C10orf90: variants seen among roughly 807,000 people sequenced by gnomAD.
C10orf90 encodes the protein (E2-independent) E3 ubiquitin-conjugating enzyme FATS.
In C10orf90, 56 loss-of-function variants were observed where a neutral mutation model predicts 62.5. The ratio of observed to expected loss-of-function variants is 0.90; its 90% CI spans 0.72 to 1.12. The LOEUF (loss-of-function observed/expected upper bound fraction) is 1.12, where lower values mean the gene tolerates loss of function less well. Ranked by LOEUF, C10orf90 falls within the 50% of genes most tolerant of loss-of-function variation. C10orf90 has a pLI of 0.00. For missense variants in C10orf90, 970 were observed against 880.4 expected (o/e 1.10, Z -1.29); for synonymous variants, 386 against 340.4 (o/e 1.13, Z -1.47).
At chr10:126,534,541 G>A (rs1039152367) in intron 2 of C10orf90, among the ~76,000 whole-genome samples, 1 of 152,120 alleles carries the variant, frequency 6.6e-6, no homozygotes, top group African/African-American at 2.4e-5. Flanking sequence ...TTTTATGGGA[G>A]TATCATTGTT....
intron 2 of C10orf90, among the ~76,000 whole-genome samples, chr10:126,557,868 G>A (rs1331774061): frequency 4.0e-5 from 6 of 151,770 alleles, no homozygotes; most frequent in African/African-American, 1.5e-4. Flanking sequence ...GATGAGTTGG[G>A]CAAGGGAGAA....
chr10:126,626,933 G>A (rs2842153), intron 2 of C10orf90, among the ~76,000 whole-genome samples: 89,191 of 151,656 alleles, frequency 0.59, 26,785 homozygotes, highest in African/African-American at 0.71. Context: ...AATTCAAAGA[G>A]GGCTCAGTGA....
chr10:126,444,909 A>G (rs1294461282), intron 7 of C10orf90, among the ~76,000 whole-genome samples: 1 of 152,170 alleles, frequency 6.6e-6, no homozygotes, highest in Non-Finnish European at 1.5e-5. Flanking sequence ...AAACAAAAAC[A>G]TAAAGTGGGG....
intron 3 of C10orf90, 21 bp from the exon 4 acceptor site, chr10:126,505,106 C>T (rs1434550316): frequency 2.5e-6 from 4 of 1,585,500 alleles, no homozygotes; most frequent in Admixed American, 3.6e-5. Context: ...AAAAAGATCC[C>T]GATTATTCAA....
At chr10:126,602,347 C>G (rs755251379) in intron 2 of C10orf90, among the ~76,000 whole-genome samples, 2 of 152,164 alleles carry the variant, frequency 1.3e-5, no homozygotes, top group Non-Finnish European at 2.9e-5. Flanking sequence ...TTTCTCTGAC[C>G]TGGGCCTCTA....
intron 2 of C10orf90, among the ~76,000 whole-genome samples, chr10:126,629,808 C>T (rs541472611): frequency 7.1e-4 from 106 of 150,130 alleles, no homozygotes; most frequent in Middle Eastern, 3.4e-3. Context: ...GCCATGAGCC[C>T]GGCAAAGCAC....
chr10:126,663,675 A>G (rs1246317846), intron 1 of C10orf90, among the ~76,000 whole-genome samples: 1 of 152,012 alleles, frequency 6.6e-6, no homozygotes, highest in Admixed American at 6.6e-5. Context: ...TTTTCTTAAC[A>G]TGGACAATTC....
At chr10:126,450,502 C>A (rs1250614741) in intron 7 of C10orf90, among the ~76,000 whole-genome samples, 5 of 152,114 alleles carry the variant, frequency 3.3e-5, no homozygotes, top group Admixed American at 6.5e-5. Context: ...AACAAGTAGA[C>A]TGATGGAACA....
At chr10:126,541,115 A>G (rs1329652489) in intron 2 of C10orf90, among the ~76,000 whole-genome samples, 2 of 152,222 alleles carry the variant, frequency 1.3e-5, no homozygotes, top group East Asian at 1.9e-4. Flanking sequence ...AGTAATTTTT[A>G]TATGACAAAT....
rs142163101 is a variant in C10orf90 at position 126,535,283 on chromosome 10, C to T, written c.314-21344G>A. 9.2e-3 allele frequency among the ~76,000 whole-genome samples: 1,391 copies of T among 151,584 alleles called. 23 individuals are homozygous for T. Among genetic ancestry groups the T allele is most frequent in the African/African-American group, 0.031 (1,271 of 41,328 alleles). On this transcript the variant is annotated intron_variant, in intron 2 of 9. Coordinates refer to ENST00000488181, the MANE Select transcript of C10orf90 (RefSeq NM_001350921.2). Reference sequence around the variant, plus strand: ...CTGTAATCCCAGCACTTTGGGAGGCCGAGGCAGGCGGATCACGAGGTCAGG... The same window carrying T: ...CTGTAATCCCAGCACTTTGGGAGGCTGAGGCAGGCGGATCACGAGGTCAGG...
chr10:126,599,323 C>CTACAG (rs1845149561), intron 2 of C10orf90, among the ~76,000 whole-genome samples: 1 of 151,680 alleles, frequency 6.6e-6, no homozygotes, highest in South Asian at 2.1e-4. Context: ...GTAGCTGGGA[C>CTACAG]TACAGGCGCC....
At chr10:126,597,040 G>A (rs1277016282) in intron 2 of C10orf90, among the ~76,000 whole-genome samples, 1 of 152,172 alleles carries the variant, frequency 6.6e-6, no homozygotes, top group African/African-American at 2.4e-5. Context: ...TACTAAAAAT[G>A]CTGACAATAT....
chr10:126,503,173 A>G (rs1420269358), intron 4 of C10orf90, among the ~76,000 whole-genome samples: 4 of 152,250 alleles, frequency 2.6e-5, no homozygotes, highest in African/African-American at 7.2e-5. Flanking sequence ...ACACAGAGAA[A>G]GAAAGAAATC....
chr10:126,483,575 A>C (rs1476995952), intron 4 of C10orf90, among the ~76,000 whole-genome samples: 1 of 152,222 alleles, frequency 6.6e-6, no homozygotes, highest in Admixed American at 6.5e-5. Flanking sequence ...CTGAAAATAC[A>C]TGCATTCCTT....
intron 2 of C10orf90, among the ~76,000 whole-genome samples, chr10:126,620,352 C>T (rs760438791): frequency 2.1e-4 from 32 of 152,188 alleles, no homozygotes; most frequent in Non-Finnish European, 3.5e-4. Flanking sequence ...TGCCACACAC[C>T]GGGTGACTAC....
In C10orf90 at chr10:126,642,269, A is replaced by G. The variant is rs943548688; in HGVS notation, c.313+4296T>C. Among the ~76,000 whole-genome samples, 8 of 152,194 alleles carry G rather than the reference A, an allele frequency of 5.3e-5. No individual in the cohort carries two copies. The East Asian group carries it at 1.5e-3, about 29-fold the overall frequency. On this transcript the variant is annotated intron_variant, in intron 2 of 9. Coordinates refer to ENST00000488181, the MANE Select transcript of C10orf90 (RefSeq NM_001350921.2). ...AAGACAAGGCTGGGTGCGGTGGCTC[A>G]CGCTTGTAATCCCAGCACTTTGGGA...
rs376340241 is a variant in C10orf90, at chr10:126,516,251, C to T, written c.314-2312G>A. On this transcript the variant is annotated intron_variant, in intron 2 of 9. Transcript: ENST00000488181. ...TTTGCCATCCGAGCACTGAGGATAT[C>T]GTATGGAAAGCATTCGGGCAGGGTG... Among the ~76,000 whole-genome samples the T allele has an allele frequency of 2.4e-4, 37 of 152,280 alleles. 1 individual carries two copies. The East Asian group carries it at 6.6e-3, about 27-fold the overall frequency.
intron 4 of C10orf90, among the ~76,000 whole-genome samples, chr10:126,467,301 A>G (rs910351699): frequency 2.0e-5 from 3 of 152,348 alleles, no homozygotes; most frequent in African/African-American, 7.2e-5. Flanking sequence ...GACTTTTCTG[A>G]CTACTGATTG....
At chr10:126,566,463 A>G (rs7067739) in intron 2 of C10orf90, among the ~76,000 whole-genome samples, 56,535 of 152,052 alleles carry the variant, frequency 0.37, 11,073 homozygotes, top group Non-Finnish European at 0.44. Flanking sequence ...GAGTTCCACA[A>G]TGGAAACACA....
Sources: allele counts gnomAD v4.1 joint callset (sites outside exome capture counted in the v4.1 genomes callset), GRCh38; gene constraint gnomAD v4.1.1; transcripts MANE v1.5; gene names NCBI Gene and HGNC (gene_info 2026-07-23, HGNC 2026-07-21).